The following SRP14 variants were observed in gnomAD, a reference collection of about 807,000 sequenced individuals.
The protein encoded by SRP14 is signal recognition particle 14, also known as signal recognition particle 14 kDa protein.
SRP14 carries 1 observed loss-of-function variant against 16.0 expected under a neutral mutation model. The ratio of observed to expected loss-of-function variants is 0.06; its 90% CI spans 0.02 to 0.30. The LOEUF is 0.30. Ranked by LOEUF, SRP14 falls within the 10% of genes least tolerant of loss-of-function variation. The probability of loss-of-function intolerance (pLI) is 1.00; values close to 1 mark genes in which losing one functional copy is unlikely to be tolerated. For missense variants in SRP14, 120 were observed against 163.1 expected (o/e 0.74, Z 1.44); for synonymous variants, 67 against 60.1 (o/e 1.12, Z -0.53).
Position 40,038,968 on chromosome 15 carries a change from GCCC to G in SRP14, c.25-23_25-21del. 6.2e-7 allele frequency: 1 copy of G among 1,608,562 alleles called. No individual in the cohort carries two copies. The highest frequency in any genetic ancestry group is 8.5e-7 in the Non-Finnish European group (1 of 1,177,646). ...CAGGAACTGGAAAACAACAGGCCCAGCCCCGTTAGCCAGCCCCAAATCCTCGTC... is the reference window on the plus strand; with the variant it reads ...CAGGAACTGGAAAACAACAGGCCCAGCGTTAGCCAGCCCCAAATCCTCGTC... On this transcript the variant is annotated intron_variant, in intron 1 of 4. Coordinates refer to ENST00000267884, the MANE Select transcript of SRP14 (RefSeq NM_003134.6).
chr15:40,038,504 G>A lies in SRP14; in HGVS notation c.98-110C>T, dbSNP rs1437212276. ...AGTGATGACCTAACCCAGCCCCGCT[G>A]CTCTAGTTTTGTTAAACACCTCATC... On this transcript the variant is annotated intron_variant, in intron 2 of 4. Transcript: ENST00000267884. 39 of 736,368 alleles carry A rather than the reference G, an allele frequency of 5.3e-5. No individual in the cohort carries two copies. In the South Asian group the frequency reaches 5.4e-4, roughly 10 times the overall value. 45.6% of individuals were successfully genotyped at this position (736,368 alleles called of 1,614,324 possible).
In SRP14 at chr15:40,038,861, C is replaced by G; in HGVS notation, c.97+15G>C. 1 of 1,613,214 alleles carries G rather than the reference C, an allele frequency of 6.2e-7. No homozygotes were observed. The highest frequency in any genetic ancestry group is 8.5e-7 in the Non-Finnish European group (1 of 1,179,632). On this transcript the variant is annotated intron_variant, in intron 2 of 4. Coordinates refer to ENST00000267884, the MANE Select transcript of SRP14 (RefSeq NM_003134.6). Reference sequence around the variant, plus strand: ...AACCCAGGGAGCATCGCCCGGCTCCCCTCCCGCTGCTTACACTTCTTCAAG... The same window carrying G: ...AACCCAGGGAGCATCGCCCGGCTCCGCTCCCGCTGCTTACACTTCTTCAAG...
intron 4 of SRP14, chr15:40,036,727 G>A: frequency 1.6e-6 from 1 of 639,666 alleles, no homozygotes; most frequent in Non-Finnish European, 2.7e-6. Flanking sequence ...TTTTCCAAGG[G>A]AAAATTGCAG....
intron 3 of SRP14, chr15:40,037,269 TC>T (rs1838737788): frequency 4.8e-6 from 3 of 623,534 alleles, no homozygotes; most frequent in African/African-American, 6.4e-5. Context: ...GGCAGTAGGC[TC>T]CTTTTGGGGA....
In SRP14 at chr15:40,036,511, C is replaced by T. The variant is rs1417462031; in HGVS notation, c.244-11G>A. On this transcript the variant is annotated splice_polypyrimidine_tract_variant and intron_variant, in intron 4 of 4. Transcript: ENST00000267884. ...GAGGTTTGAATAAGCCTGAAAGATA[C>T]AACAGAGCATACCTTAGTGGGAAGA... 1.2e-6 allele frequency: 2 copies of T among 1,612,244 alleles called. No homozygotes were observed. Among genetic ancestry groups the T allele is most frequent in the South Asian group, 1.1e-5 (1 of 91,060 alleles).
In SRP14 at chr15:40,037,108, G is replaced by A. The variant is rs2035637065; in HGVS notation, c.211-90C>T. ...GATAGTATCTCAAAAGCCTCCGGAA[G>A]ACAATATCCTTATCTTTAAAATACT... is the stretch of plus-strand genomic sequence containing the variant. On this transcript the variant is annotated intron_variant, in intron 3 of 4. Coordinates refer to ENST00000267884, the MANE Select transcript of SRP14 (RefSeq NM_003134.6). 18 of 1,436,018 alleles carry A rather than the reference G, an allele frequency of 1.3e-5. 1 individual carries two copies. In the South Asian group the frequency reaches 1.6e-4, roughly 13 times the overall value. The allele number at this position is 1,436,018 out of a possible 1,614,324, so 89.0% of individuals were successfully genotyped here.
At chr15:40,037,854 T>C (rs999647906) in intron 3 of SRP14, among the ~76,000 whole-genome samples, 13 of 151,746 alleles carry the variant, frequency 8.6e-5, no homozygotes, top group African/African-American at 2.9e-4. Context: ...ACTAGGGCTC[T>C]TGACTAAATG....
chr15:40,037,897 G>A (rs963936744), intron 3 of SRP14, among the ~76,000 whole-genome samples: 7 of 152,274 alleles, frequency 4.6e-5, no homozygotes, highest in Non-Finnish European at 8.8e-5. Context: ...CTAACATCTA[G>A]CTGCACATTC....
intron 3 of SRP14, chr15:40,037,326 A>G: frequency 7.7e-7 from 1 of 1,292,138 alleles, no homozygotes; most frequent in Non-Finnish European, 9.9e-7. Flanking sequence ...AATCCCTTAG[A>G]AAGGTGGCAT....
chr15:40,037,802 C>G (rs1304352510), intron 3 of SRP14, among the ~76,000 whole-genome samples: 1 of 152,234 alleles, frequency 6.6e-6, no homozygotes, highest in African/African-American at 2.4e-5. Context: ...TCACTCAATT[C>G]AAGGAGCCTC....
At chr15:40,038,467 A>G in intron 2 of SRP14, 73 bp from the exon 3 acceptor site, 1 of 1,047,874 alleles carries the variant, frequency 9.5e-7, no homozygotes, top group Non-Finnish European at 1.5e-6. Flanking sequence ...GTTAAAACAG[A>G]GGAGTGGGGT....
chr15:40,038,412 TC>T lies in SRP14; in HGVS notation c.98-19del, dbSNP rs750148866. The T allele has an allele frequency of 7.0e-6, 11 of 1,566,584 alleles. No homozygotes were observed. In the African/African-American group the frequency reaches 1.2e-4, roughly 17 times the overall value. ...ACCGTCATCTGAAGGAAAAAATGCA[TC>T]CTGGTGAACACGGCCGCGTACGTGG... On this transcript the variant is annotated intron_variant, in intron 2 of 4. Transcript: ENST00000267884.
In SRP14 at chr15:40,037,011, G is replaced by A; in HGVS notation, c.218C>T (p.Ser73Phe). The change falls in exon 4 of 5, where the codon TCC becomes TTC. Residue 73 changes from serine to phenylalanine, a missense_variant. Physicochemically the swap from Ser to Phe is radical, Grantham distance 155. Coordinates refer to ENST00000267884, the MANE Select transcript of SRP14 (RefSeq NM_003134.6). ...CATCTGAAACTTATTCACTTCCTTG[G>A]AGCTCACCTGAAAAAGAAGGAAAAA... The part of the protein sequence containing the change: ...GKKKISTVVS[S>F]KEVNKFQMAY... The A allele has an allele frequency of 1.2e-6, 2 of 1,613,576 alleles. No individual in the cohort carries two copies. The highest frequency in any genetic ancestry group is 1.7e-6 in the Non-Finnish European group (2 of 1,179,908).
chr15:40,036,960 A>T (rs1421333544), intron 4 of SRP14, 26 bp downstream of exon 4: 1 of 1,613,652 alleles, frequency 6.2e-7, no homozygotes, highest in Non-Finnish European at 8.5e-7. Flanking sequence ...CTGAGAAGGG[A>T]AACATAAGGA....
intron 3 of SRP14, chr15:40,037,279 G>GAAAAAACAAAAAAAAAA: frequency 1.8e-6 from 1 of 566,920 alleles, no homozygotes; most frequent in Non-Finnish European, 2.2e-6. Flanking sequence ...TCCTTTTGGG[G>GAAAAAACAAAAAAAAAA]AAAAAAAAAA....
chr15:40,038,434 C>T (rs745730514), intron 2 of SRP14, 40 bp from the exon 3 acceptor site: 5 of 1,357,024 alleles, frequency 3.7e-6, no homozygotes, highest in Non-Finnish European at 5.3e-6. Flanking sequence ...CGGCCGCGTA[C>T]GTGGCTGAGC....
intron 4 of SRP14, 138 bp downstream of exon 4, chr15:40,036,848 T>C: frequency 2.0e-6 from 2 of 994,402 alleles, no homozygotes; most frequent in Non-Finnish European, 3.1e-6. Context: ...ATTCACACCC[T>C]GGCAGCTTTT....
At chr15:40,037,483 T>G (rs1018199549) in intron 3 of SRP14, 8 of 506,178 alleles carry the variant, frequency 1.6e-5, no homozygotes, top group Non-Finnish European at 2.0e-5. Context: ...TTAAGCACAA[T>G]GCGAGCTACC....
In SRP14 at chr15:40,038,562, CTAT is replaced by C. The variant is rs2035667532; in HGVS notation, c.98-171_98-169del. On this transcript the variant is annotated intron_variant, in intron 2 of 4. Transcript: ENST00000267884. ...ACGGTCTGGCGAAACCCTGGAGAAA[CTAT>C]TATTTCCACGACGGAAACATGTAAT... 3 of 616,132 alleles carry C rather than the reference CTAT, an allele frequency of 4.9e-6. No homozygotes were observed. The East Asian group carries it at 8.2e-5, about 17-fold the overall frequency. 38.2% of individuals were successfully genotyped at this position (616,132 alleles called of 1,614,324 possible). A position where few individuals can be genotyped will look rare whatever the true frequency, so the allele number is the denominator to read the frequency against.
Sources: gnomAD v4.1 joint callset for allele counts (sites outside exome capture counted in the v4.1 genomes callset) on GRCh38, gnomAD v4.1.1 for gene constraint, MANE v1.5 for transcripts, NCBI Gene and HGNC (gene_info 2026-07-23, HGNC 2026-07-21) for gene names.